Variants in ATP9B observed in about 807,000 individuals in gnomAD.
ATP9B encodes the protein ATPase phospholipid transporting 9B, also known as probable phospholipid-transporting ATPase IIB.
In ATP9B, 110 loss-of-function variants were observed where a neutral mutation model predicts 146.1. That is an observed-to-expected ratio of 0.75 (90% CI 0.65 to 0.88). The LOEUF (loss-of-function observed/expected upper bound fraction) is 0.88. Among genes scored for constraint, ATP9B ranks in the 40% least tolerant of loss-of-function variants. The pLI, the probability that ATP9B is intolerant of heterozygous loss-of-function variation, is 0.00. For synonymous variants in ATP9B, 604 were observed against 569.7 expected, an observed-to-expected ratio of 1.06 and a Z score of -0.86; for missense variants, 1,499 against 1,496.4, an observed-to-expected ratio of 1.00 and a Z score of -0.03.
At chr18:79,251,473 A>G (rs1433623458) in intron 11 of ATP9B, among the ~76,000 whole-genome samples, 2 of 152,246 alleles carry the variant, frequency 1.3e-5, no homozygotes, top group South Asian at 4.1e-4. Context: ...TTCTCCTACT[A>G]GATTAGCTTG....
At chr18:79,210,573 C>T (rs1419438561) in intron 10 of ATP9B, among the ~76,000 whole-genome samples, 1 of 152,216 alleles carries the variant, frequency 6.6e-6, no homozygotes, top group East Asian at 1.9e-4. Flanking sequence ...AGGTTGTTTA[C>T]ATCCTGGGGC....
chr18:79,244,759 G>C (rs1262047217), intron 11 of ATP9B, among the ~76,000 whole-genome samples: 1 of 151,960 alleles, frequency 6.6e-6, no homozygotes, highest in Non-Finnish European at 1.5e-5. Context: ...AGAAAGATTT[G>C]TAAGGAGCAT....
At chr18:79,100,871 A>G (rs887004711) in intron 2 of ATP9B, among the ~76,000 whole-genome samples, 12 of 152,158 alleles carry the variant, frequency 7.9e-5, no homozygotes, top group African/African-American at 2.4e-4. Flanking sequence ...TTTTAAAATC[A>G]TCAGATCTCG....
In ATP9B at chr18:79,122,257, A is replaced by G. The variant is rs759506720; in HGVS notation, c.559-4010A>G. ...TCTCTTATCTCAGTGAGTCACAAAC[A>G]GAACTTTTTTTAAGAAGTTACCTCT... On this transcript the variant is annotated intron_variant, in intron 4 of 29. Transcript: ENST00000426216. Among the ~76,000 whole-genome samples, 50 of 152,200 alleles carry G rather than the reference A, an allele frequency of 3.3e-4. 1 individual carries two copies. The highest frequency in any genetic ancestry group is 3.1e-3 in the Admixed American group (47 of 15,266).
At chr18:79,245,987 CCTA>C (rs2095954041) in intron 11 of ATP9B, among the ~76,000 whole-genome samples, 1 of 144,328 alleles carries the variant, frequency 6.9e-6, no homozygotes, top group South Asian at 2.3e-4. Context: ...AGGGCACCGC[CCTA>C]CTGTCTGTGC....
At chr18:79,305,360 G>A (rs1199838743) in intron 14 of ATP9B, among the ~76,000 whole-genome samples, 4 of 152,132 alleles carry the variant, frequency 2.6e-5, no homozygotes, top group African/African-American at 7.2e-5. Context: ...GCTGTCAAAT[G>A]GAAGAAGTCT....
At chr18:79,301,690 A>C (rs1040523591) in intron 13 of ATP9B, among the ~76,000 whole-genome samples, 14 of 152,208 alleles carry the variant, frequency 9.2e-5, no homozygotes, top group African/African-American at 3.4e-4. Flanking sequence ...AGATTTATGA[A>C]ACTTGGAGAC....
chr18:79,087,616 G>C (rs1222127359), intron 1 of ATP9B: 1 of 152,116 alleles, frequency 6.6e-6, no homozygotes, highest in Non-Finnish European at 1.5e-5. Flanking sequence ...AATATCAGTT[G>C]TCTTCTAAGA....
intron 1 of ATP9B, among the ~76,000 whole-genome samples, chr18:79,071,203 G>C (rs916616337): frequency 6.6e-6 from 1 of 151,178 alleles, no homozygotes; most frequent in African/African-American, 2.4e-5. Flanking sequence ...GTGTATTGCT[G>C]TATTTCACCA....
chr18:79,334,422 A>G (rs1393138855), intron 17 of ATP9B, among the ~76,000 whole-genome samples: 3 of 149,206 alleles, frequency 2.0e-5, no homozygotes, highest in African/African-American at 7.4e-5. Context: ...CTTAGTGTTC[A>G]TTACTTTGGT....
chr18:79,074,532 A>C (rs1181357173), intron 1 of ATP9B, among the ~76,000 whole-genome samples: 1 of 152,212 alleles, frequency 6.6e-6, no homozygotes, highest in African/African-American at 2.4e-5. Flanking sequence ...GCTCTCCCTA[A>C]TGAGAGAGAC....
intron 1 of ATP9B, among the ~76,000 whole-genome samples, chr18:79,070,784 T>C (rs1013178230): frequency 2.6e-5 from 4 of 152,198 alleles, no homozygotes; most frequent in African/African-American, 9.7e-5. Flanking sequence ...TTTTCTTTGC[T>C]CTAAAATCTT....
chr18:79,110,232 G>C (rs1599620236), intron 2 of ATP9B, 123 bp from the exon 3 acceptor site: 1 of 852,816 alleles, frequency 1.2e-6, no homozygotes, highest in Non-Finnish European at 1.6e-6. Flanking sequence ...TTAGCATTAG[G>C]TGTGCTATTA....
intron 8 of ATP9B, among the ~76,000 whole-genome samples, chr18:79,179,346 C>G (rs2095221803): frequency 6.6e-6 from 1 of 151,860 alleles, no homozygotes; most frequent in Non-Finnish European, 1.5e-5. Flanking sequence ...GTTTCTTCCT[C>G]CTTAAGGTGG....
At chr18:79,193,813 G>A (rs1278868689) in intron 9 of ATP9B, among the ~76,000 whole-genome samples, 2 of 152,088 alleles carry the variant, frequency 1.3e-5, no homozygotes, top group African/African-American at 4.8e-5. Context: ...TTATAGTAAG[G>A]GATTTTAGTA....
chr18:79,092,000 C>A (rs1375218479), intron 1 of ATP9B, among the ~76,000 whole-genome samples: 1 of 152,010 alleles, frequency 6.6e-6, no homozygotes, highest in Admixed American at 6.6e-5. Flanking sequence ...TGCGTTATGT[C>A]CCTCTATGCT....
At chr18:79,156,544 G>A (rs2094784760) in intron 7 of ATP9B, among the ~76,000 whole-genome samples, 1 of 152,162 alleles carries the variant, frequency 6.6e-6, no homozygotes, top group Non-Finnish European at 1.5e-5. Flanking sequence ...TTATCAAATG[G>A]ACTCTATATA....
chr18:79,286,831 G>T (rs1444241041), intron 13 of ATP9B, among the ~76,000 whole-genome samples: 1 of 152,148 alleles, frequency 6.6e-6, no homozygotes. Context: ...AGCATGAAGG[G>T]TTGTTGAATT....
At chr18:79,342,240 A>C (rs558601124) in intron 19 of ATP9B, 28 bp from the exon 20 acceptor site, 1 of 1,551,356 alleles carries the variant, frequency 6.4e-7, no homozygotes, top group East Asian at 2.3e-5. Flanking sequence ...TGTCTTGTTG[A>C]AATTCACCAG....
Sources: gnomAD v4.1 joint callset for allele counts (sites outside exome capture counted in the v4.1 genomes callset) on GRCh38, gnomAD v4.1.1 for gene constraint, MANE v1.5 for transcripts, NCBI Gene and HGNC (gene_info 2026-07-23, HGNC 2026-07-21) for gene names.